NEB: variants seen among roughly 807,000 people sequenced by gnomAD.
NEB encodes nebulin.
Under a neutral mutation model 952.2 loss-of-function variants are expected in NEB, and 512 were observed. That is an observed-to-expected ratio of 0.54 (90% CI 0.50 to 0.58). The LOEUF is 0.58. Ranked by LOEUF, NEB falls within the 20% of genes least tolerant of loss-of-function variation. NEB has a pLI of 0.00. For missense variants in NEB, 8,428 were observed against 9,231.1 expected, an observed-to-expected ratio of 0.91 and a Z score of 3.56; for synonymous variants, 2,900 against 3,149.8, an observed-to-expected ratio of 0.92 and a Z score of 2.66.
chr2:151,688,156 C>T, intron 25 of NEB, 136 bp downstream of exon 25: 1 of 685,666 alleles, frequency 1.5e-6, no homozygotes, highest in East Asian at 2.7e-5. Flanking sequence ...AGCATTTTGG[C>T]CTTAAAAGCT....
chr2:151,583,826 T>G (rs1308302709), intron 100 of NEB, 60 bp from the exon 101 acceptor site: 4 of 434,602 alleles, frequency 9.2e-6, no homozygotes, highest in Non-Finnish European at 1.6e-5. Context: ...AAGAGGGGTT[T>G]TCTAATTTAA....
In NEB at chr2:151,662,201, C is replaced by T. The variant is rs773982194; in HGVS notation, c.5904G>A (p.Lys1968=). 2 of 1,613,618 alleles carry T rather than the reference C, an allele frequency of 1.2e-6. No homozygotes were observed. Among genetic ancestry groups the T allele is most frequent in the Admixed American group, 1.7e-5 (1 of 59,968 alleles). The change falls in exon 46 of 182, where the codon AAG becomes AAA. Residue 1968 remains lysine (K), a synonymous_variant. Transcript: ENST00000397345. ...TCATCGAGTCCATGAGTGTGGAATA[C>T]TTCAAAGTGTCTGGGTGCTGGCGGT... The part of the protein sequence containing the change: ...KKYRQHPDTL[K]YSTLMDSMNM...
intron 8 of NEB, 72 bp downstream of exon 8, chr2:151,724,188 C>A: frequency 8.6e-7 from 1 of 1,159,706 alleles, no homozygotes; most frequent in East Asian, 2.5e-5. Flanking sequence ...ATCAAGAGTT[C>A]ACCAAGTATT....
rs190080587 is a variant in NEB at position 151,687,012 on chromosome 2, T to A, written c.2637+407A>T. Among the ~76,000 whole-genome samples, 133 of 152,224 alleles carry A rather than the reference T, an allele frequency of 8.7e-4. No individual in the cohort carries two copies. The East Asian group carries it at 0.01, about 11-fold the overall frequency. On this transcript the variant is annotated intron_variant, in intron 27 of 181. Coordinates refer to ENST00000397345, the MANE Select transcript of NEB (RefSeq NM_001164508.2). ...AGACCAAACTCATTACTAAAGTCAA[T>A]GAAGAACGATACTCTATTAAGATTT...
intron 52 of NEB, among the ~76,000 whole-genome samples, chr2:151,651,644 A>G (rs970745739): frequency 1.1e-4 from 17 of 152,348 alleles, no homozygotes; most frequent in African/African-American, 3.6e-4. Context: ...AAAATTTGGT[A>G]TTTAGATTCA....
At chr2:151,545,216 TAGC>T (rs1277626778) in intron 135 of NEB, among the ~76,000 whole-genome samples, 1 of 152,220 alleles carries the variant, frequency 6.6e-6, no homozygotes, top group Non-Finnish European at 1.5e-5. Flanking sequence ...GGGCTCCTGA[TAGC>T]AGGAATTAAA....
rs765817264 is a variant in NEB at position 151,552,814 on chromosome 2, T to G, written c.19732-38A>C. The G allele has an allele frequency of 2.0e-6, 3 of 1,485,802 alleles. No individual in the cohort carries two copies. The South Asian group carries it at 3.5e-5, about 17-fold the overall frequency. The allele number at this position is 1,485,802 out of a possible 1,614,324, so 92.0% of individuals were successfully genotyped here. A position where few individuals can be genotyped will look rare whatever the true frequency, so the allele number is the denominator to read the frequency against. ...AGAAAACAAGCCCATGTTGGACCAT[T>G]CCTTATGCTTGAAACTGCTGGTTTT... On this transcript the variant is annotated intron_variant, in intron 127 of 181. Coordinates refer to ENST00000397345, the MANE Select transcript of NEB (RefSeq NM_001164508.2).
Position 151,569,278 on chromosome 2 carries a change from A to T in NEB, c.17525T>A (p.Ile5842Asn). ...AAAATCTTGGAATACCTCACTGAAG[A>T]TGTCCGCGGCATGTTTGGCATGATT... is the stretch of plus-strand genomic sequence containing the variant. ...SVNHAKHAAD[I>N]FSEKKYRTKI... Residue 5842 changes from isoleucine to asparagine, a missense_variant, in exon 110 of 182, where the codon ATC becomes AAC. Transcript: ENST00000397345. 1 of 1,613,712 alleles carries T rather than the reference A, an allele frequency of 6.2e-7. No individual in the cohort carries two copies. Among genetic ancestry groups the T allele is most frequent in the Non-Finnish European group, 8.5e-7 (1 of 1,179,692 alleles).
intron 13 of NEB, among the ~76,000 whole-genome samples, chr2:151,704,713 T>G (rs910794519): frequency 2.0e-5 from 3 of 152,150 alleles, no homozygotes; most frequent in African/African-American, 7.2e-5. Flanking sequence ...TCGCCCTGCT[T>G]CGGCTCACGC....
At position 151,547,608 on chromosome 2, in the gene NEB, C is replaced by G. The variant is rs773280721; in HGVS notation, c.20262+26G>C. On this transcript the variant is annotated intron_variant, in intron 132 of 181. Coordinates refer to ENST00000397345, the MANE Select transcript of NEB (RefSeq NM_001164508.2). ...TAACATTCATCCCTAGTCTCTACTC[C>G]CTGTCTTTCCTAAGAAAATACCCAC... The G allele has an allele frequency of 1.9e-6, 3 of 1,609,176 alleles. No homozygotes were observed. The Admixed American group carries it at 5.0e-5, about 27-fold the overall frequency.
intron 70 of NEB, among the ~76,000 whole-genome samples, chr2:151,626,411 C>T (rs749573099): frequency 2.0e-5 from 3 of 152,174 alleles, no homozygotes; most frequent in South Asian, 2.1e-4. Flanking sequence ...ACACCATGCC[C>T]GGCTTGCATC....
intron 172 of NEB, 113 bp from the exon 173 acceptor site, chr2:151,496,481 C>A: frequency 6.8e-7 from 1 of 1,462,374 alleles, no homozygotes; most frequent in East Asian, 2.5e-5. Context: ...GTCCAAGGAG[C>A]CAGAAGTTAT....
chr2:151,691,810 A>G, intron 23 of NEB, 54 bp downstream of exon 23: 1 of 1,212,396 alleles, frequency 8.2e-7, no homozygotes, highest in Non-Finnish European at 1.2e-6. Context: ...ATTTACCACT[A>G]GATGTCACAG....
In NEB at chr2:151,619,666, C is replaced by A. The variant is rs1372803594; in HGVS notation, c.10657G>T (p.Ala3553Ser). ...DPKIMWSLHI[A>S]KVQSDREYKK... Reference sequence around the variant, plus strand: ...TACTCACGGTCACTCTGCACTTTGGCAATGTGGAGGGACCACATTATCTTG... The same window carrying A: ...TACTCACGGTCACTCTGCACTTTGGAAATGTGGAGGGACCACATTATCTTG... The change falls in exon 73 of 182, where the codon GCC (alanine) becomes TCC (serine). Residue 3553 changes from alanine to serine, a missense_variant. By Grantham distance (99) the Ala-to-Ser change is moderately conservative. Transcript: ENST00000397345. 1 of 1,613,972 alleles carries A rather than the reference C, an allele frequency of 6.2e-7. No homozygotes were observed. The highest frequency in any genetic ancestry group is 2.2e-5 in the East Asian group (1 of 44,870).
At chr2:151,674,082 T>G (rs1442184322) in intron 36 of NEB, among the ~76,000 whole-genome samples, 1 of 152,214 alleles carries the variant, frequency 6.6e-6, no homozygotes, top group Non-Finnish European at 1.5e-5. Context: ...CTCTTTGGTT[T>G]ATAAAAATCT....
chr2:151,730,457 A>C (rs2099803559), intron 3 of NEB, among the ~76,000 whole-genome samples: 1 of 152,070 alleles, frequency 6.6e-6, no homozygotes, highest in Non-Finnish European at 1.5e-5. Flanking sequence ...AAATAGATGC[A>C]GAAAGGAACT....
intron 34 of NEB, 34 bp downstream of exon 34, chr2:151,677,531 A>G: frequency 6.5e-7 from 1 of 1,527,690 alleles, no homozygotes; most frequent in Non-Finnish European, 8.9e-7. Flanking sequence ...AGCTTCCTCC[A>G]TATCCTCTGT....
At position 151,505,555 on chromosome 2, in the gene NEB, C is replaced by G. The variant is rs770374889; in HGVS notation, c.23665G>C (p.Ala7889Pro). 9.3e-6 allele frequency: 15 copies of G among 1,613,232 alleles called. No homozygotes were observed. Among genetic ancestry groups the G allele is most frequent in the Non-Finnish European group, 1.3e-5 (15 of 1,179,194 alleles). Residue 7889 changes from alanine (A) to proline (P), a missense_variant, in exon 165 of 182, where the codon GCA becomes CCA. Transcript: ENST00000397345. ...GGGATTGGAGTTCCTTGTCCTATTG[C>G]TTCCTTATACTTCACCTGCAGATTT... Reference protein sequence around the residue: ...DHISSVKYKEAIGQGTPIPDL... With the variant: ...DHISSVKYKEPIGQGTPIPDL...
chr2:151,497,648 T>C lies in NEB; in HGVS notation c.24278A>G (p.His8093Arg). The C allele has an allele frequency of 6.3e-7, 1 of 1,580,876 alleles. No individual in the cohort carries two copies. The highest frequency in any genetic ancestry group is 8.6e-7 in the Non-Finnish European group (1 of 1,160,876). Residue 8093 changes from histidine to arginine, a missense_variant, in exon 171 of 182, where the codon CAC (histidine) becomes CGC (arginine). By Grantham distance (29) the His-to-Arg change is conservative. Around this residue, in one of 11 missense-constraint regions of NEB, gnomAD observed 3,374 missense variants for 3,651.5 expected, o/e 0.92. Transcript: ENST00000397345. ...PVTPEMERVK[H>R]NQENISSVLY... ...TACCGAGCTAATATTTTCTTGATTGTGTTTGACTCTTTCCATCTCGGGAGT... is the reference window on the plus strand; with the variant it reads ...TACCGAGCTAATATTTTCTTGATTGCGTTTGACTCTTTCCATCTCGGGAGT...
Sources: allele counts gnomAD v4.1 joint callset (sites outside exome capture counted in the v4.1 genomes callset), GRCh38; gene constraint gnomAD v4.1.1; regional missense constraint gnomAD v4.1.1; transcripts MANE v1.5; gene names NCBI Gene and HGNC (gene_info 2026-07-23, HGNC 2026-07-21).